Variants in KCNQ5 observed in about 807,000 individuals in gnomAD.
KCNQ5 encodes potassium voltage-gated channel subfamily KQT member 5.
A neutral mutation model predicts 98.2 loss-of-function variants in KCNQ5; 30 were observed. The observed-to-expected ratio is 0.31, with a 90% confidence interval of 0.23 to 0.41. The LOEUF (loss-of-function observed/expected upper bound fraction) is 0.41. Among genes scored for constraint, KCNQ5 ranks in the 10% least tolerant of loss-of-function variants. The pLI is 1.00. For missense variants in KCNQ5, 835 were observed against 1,182.5 expected, an observed-to-expected ratio of 0.71 and a Z score of 4.31; for synonymous variants, 458 against 449.4, an observed-to-expected ratio of 1.02 and a Z score of -0.24.
At chr6:73,162,742 A>G (rs1047526286) in intron 10 of KCNQ5, among the ~76,000 whole-genome samples, 3 of 152,174 alleles carry the variant, frequency 2.0e-5, no homozygotes, top group East Asian at 1.9e-4. Context: ...TTCCTTCATC[A>G]TCGTTTTGTT....
At chr6:72,923,655 G>A (rs1313690176) in intron 1 of KCNQ5, among the ~76,000 whole-genome samples, 3 of 152,298 alleles carry the variant, frequency 2.0e-5, no homozygotes, top group Non-Finnish European at 2.9e-5. Flanking sequence ...CACAGGTAAT[G>A]AGTATAGTAC....
Position 72,691,503 on chromosome 6 carries a change from C to T in KCNQ5, c.398+68916C>T, listed in dbSNP as rs985281218. On this transcript the variant is annotated intron_variant, in intron 1 of 13. Coordinates refer to ENST00000370398, the MANE Select transcript of KCNQ5 (RefSeq NM_019842.4). ...GGTTGCTAAGGGCAACTGGTACTGA[C>T]GCCGAAGACGAATACTCTATCTCCT... Among the ~76,000 whole-genome samples, 7 of 152,164 alleles carry T rather than the reference C, an allele frequency of 4.6e-5. No individual in the cohort carries two copies. The South Asian group carries it at 1.0e-3, about 22-fold the overall frequency.
chr6:73,194,550 G>A lies in KCNQ5; in HGVS notation c.1935G>A (p.Gln645=). ...CAGCCCTCGCTTTGGCTTCATTCCA[G>A]ATCCCACCTTTTGAATGTGAACAGA... is the stretch of plus-strand genomic sequence containing the variant. ...SASALALASF[Q]IPPFECEQTS... The change falls in exon 14 of 14, where the codon CAG becomes CAA. Residue 645 remains glutamine, a synonymous_variant. Coordinates refer to ENST00000370398, the MANE Select transcript of KCNQ5 (RefSeq NM_019842.4). 1 of 1,614,174 alleles carries A rather than the reference G, an allele frequency of 6.2e-7. No individual in the cohort carries two copies. Among genetic ancestry groups the A allele is most frequent in the Non-Finnish European group, 8.5e-7 (1 of 1,180,042 alleles).
intron 3 of KCNQ5, among the ~76,000 whole-genome samples, chr6:73,074,593 G>A (rs1234165402): frequency 6.6e-6 from 1 of 152,010 alleles, no homozygotes; most frequent in Non-Finnish European, 1.5e-5. Flanking sequence ...TAACTTTATA[G>A]CATACTTTTT....
intron 7 of KCNQ5, among the ~76,000 whole-genome samples, chr6:73,117,740 A>G (rs1775565963): frequency 6.6e-6 from 1 of 152,378 alleles, no homozygotes; most frequent in South Asian, 2.1e-4. Flanking sequence ...TCATCACAAC[A>G]TTAGAGGATC....
intron 1 of KCNQ5, among the ~76,000 whole-genome samples, chr6:72,744,870 T>G (rs552618730): frequency 6.6e-6 from 1 of 152,078 alleles, no homozygotes; most frequent in Non-Finnish European, 1.5e-5. Context: ...TACAACAGAT[T>G]TGCTGAGAAA....
At chr6:72,911,847 A>G (rs1042648642) in intron 1 of KCNQ5, among the ~76,000 whole-genome samples, 12 of 152,070 alleles carry the variant, frequency 7.9e-5, no homozygotes, top group African/African-American at 2.7e-4. Flanking sequence ...TTTTCCTTTT[A>G]GCAGTTTTTC....
chr6:72,665,913 T>C (rs1766787529), intron 1 of KCNQ5, among the ~76,000 whole-genome samples: 1 of 152,208 alleles, frequency 6.6e-6, no homozygotes, highest in South Asian at 2.1e-4. Flanking sequence ...TTTTAGTCAT[T>C]ATTTGGCTTC....
chr6:73,129,737 A>G, intron 9 of KCNQ5: 8 of 1,452,456 alleles, frequency 5.5e-6, no homozygotes, highest in Non-Finnish European at 7.7e-6. Flanking sequence ...ATCCCTGAGC[A>G]CTTTCCTATT....
rs1326689614 is a variant in KCNQ5, at chr6:73,135,701, C to T, written c.1468+2060C>T. On this transcript the variant is annotated intron_variant, in intron 10 of 13. Transcript: ENST00000370398. ...TTAATAGCTTCTACTACAAATGGAACTTGTATTAGTTTGCTCAAGCTGCTA... is the reference window on the plus strand; with the variant it reads ...TTAATAGCTTCTACTACAAATGGAATTTGTATTAGTTTGCTCAAGCTGCTA... The T allele has an allele frequency of 2.6e-5, 4 of 152,172 alleles. No homozygotes were observed. The East Asian group carries it at 7.7e-4, about 29-fold the overall frequency. The allele number at this position is 152,172 out of a possible 1,614,324, so 9.4% of individuals were successfully genotyped here. A position where few individuals can be genotyped will look rare whatever the true frequency, so the allele number is the denominator to read the frequency against.
chr6:72,773,418 C>G (rs1048729783), intron 1 of KCNQ5, among the ~76,000 whole-genome samples: 1 of 151,954 alleles, frequency 6.6e-6, no homozygotes, highest in Non-Finnish European at 1.5e-5. Flanking sequence ...CACATGGACA[C>G]AGGGAGGGGA....
chr6:72,956,528 T>TTTTC (rs1282154898), intron 1 of KCNQ5, among the ~76,000 whole-genome samples: 36 of 149,774 alleles, frequency 2.4e-4, no homozygotes, highest in African/African-American at 8.5e-4. Context: ...TTAACCCTTT[T>TTTTC]TTTCTTTCTT....
chr6:72,727,006 A>G (rs1335089343), intron 1 of KCNQ5, among the ~76,000 whole-genome samples: 1 of 152,260 alleles, frequency 6.6e-6, no homozygotes, highest in African/African-American at 2.4e-5. Context: ...TGACATGCAG[A>G]GAAGTGATTT....
At chr6:72,919,253 A>T (rs1475765407) in intron 1 of KCNQ5, among the ~76,000 whole-genome samples, 1 of 152,146 alleles carries the variant, frequency 6.6e-6, no homozygotes, top group African/African-American at 2.4e-5. Context: ...CACCTAGACT[A>T]CTCATTCAGC....
intron 1 of KCNQ5, among the ~76,000 whole-genome samples, chr6:72,914,128 C>T (rs948827622): frequency 7.9e-5 from 12 of 152,130 alleles, no homozygotes; most frequent in Non-Finnish European, 1.5e-4. Flanking sequence ...AGGTGACATG[C>T]TTTGGGGTAG....
chr6:72,832,863 C>T (rs1776345701), intron 1 of KCNQ5, among the ~76,000 whole-genome samples: 1 of 152,144 alleles, frequency 6.6e-6, no homozygotes, highest in African/African-American at 2.4e-5. Flanking sequence ...AGGGCTCCCA[C>T]ATGCTCATAT....
At chr6:73,015,332 G>A (rs887326847) in intron 2 of KCNQ5, among the ~76,000 whole-genome samples, 7 of 151,962 alleles carry the variant, frequency 4.6e-5, no homozygotes, top group South Asian at 2.1e-4. Flanking sequence ...TCAATCTGCC[G>A]ATGACTGAAA....
At chr6:72,932,039 G>A (rs555569070) in intron 1 of KCNQ5, among the ~76,000 whole-genome samples, 235 of 152,234 alleles carry the variant, frequency 1.5e-3, no homozygotes, top group Admixed American at 4.6e-3. Flanking sequence ...ATAGAAATAA[G>A]GGCAGAGGGG....
At chr6:72,820,565 G>A (rs1775706884) in intron 1 of KCNQ5, among the ~76,000 whole-genome samples, 1 of 151,700 alleles carries the variant, frequency 6.6e-6, no homozygotes, top group Non-Finnish European at 1.5e-5. Context: ...TTAATAAGCA[G>A]TGTATTTGAG....
Sources: gnomAD v4.1 joint callset for allele counts (sites outside exome capture counted in the v4.1 genomes callset) on GRCh38, gnomAD v4.1.1 for gene constraint, MANE v1.5 for transcripts, NCBI Gene and HGNC (gene_info 2026-07-23, HGNC 2026-07-21) for gene names.